SPMIP4: variants seen among roughly 807,000 people sequenced by gnomAD.
SPMIP4 encodes the protein sperm microtubule inner protein 4, also known as sperm-associated microtubule inner protein 4.
At chr7:25,160,578 G>A in the SPMIP4 span, among the ~76,000 whole-genome samples, 1 of 152,124 alleles carries the variant, frequency 6.6e-6, no homozygotes, top group East Asian at 1.9e-4. Context: ...GGAATTACAG[G>A]CATGAGCCAC....
the SPMIP4 span, among the ~76,000 whole-genome samples, chr7:25,129,802 C>T: frequency 2.0e-5 from 3 of 151,992 alleles, no homozygotes; most frequent in Non-Finnish European, 4.4e-5. Context: ...TTCTTGCCTG[C>T]TGCCTAGAAA....
At chr7:25,170,336 T>C in the SPMIP4 span, among the ~76,000 whole-genome samples, 3,320 of 152,338 alleles carry the variant, frequency 0.022, 138 homozygotes, top group African/African-American at 0.076. Flanking sequence ...ATTGGCAATA[T>C]CTTTATTGGA....
At chr7:25,156,077 T>C in the SPMIP4 span, among the ~76,000 whole-genome samples, 1 of 152,230 alleles carries the variant, frequency 6.6e-6, no homozygotes, top group Admixed American at 6.5e-5. Flanking sequence ...AGTTATTCCA[T>C]ACTGGAGCAG....
At chr7:25,154,509 G>A in the SPMIP4 span, among the ~76,000 whole-genome samples, 2 of 152,298 alleles carry the variant, frequency 1.3e-5, no homozygotes, top group South Asian at 2.1e-4. Flanking sequence ...TTGCAGCTGG[G>A]AGAACCTGCT....
At chr7:25,167,154 C>T in the SPMIP4 span, among the ~76,000 whole-genome samples, 6 of 152,318 alleles carry the variant, frequency 3.9e-5, no homozygotes, top group East Asian at 1.2e-3. Flanking sequence ...ACAGAGCTAT[C>T]TCCCCAGTCT....
At chr7:25,168,773 T>C in the SPMIP4 span, among the ~76,000 whole-genome samples, 1 of 150,476 alleles carries the variant, frequency 6.6e-6, no homozygotes, top group Non-Finnish European at 1.5e-5. Context: ...TTGCCCAGGC[T>C]GGAGTGCAGT....
At chr7:25,155,887 T>C in the SPMIP4 span, among the ~76,000 whole-genome samples, 3 of 151,950 alleles carry the variant, frequency 2.0e-5, no homozygotes, top group Non-Finnish European at 2.9e-5. Flanking sequence ...AGGAAGTCCA[T>C]GGGATAGAGA....
At chr7:25,180,133 G>A in the SPMIP4 span, 1 of 152,322 alleles carries the variant, frequency 6.6e-6, no homozygotes, top group Non-Finnish European at 1.5e-5. Flanking sequence ...GCAGGCCGGG[G>A]TGGGGTGGGG....
At chr7:25,166,239 T>TTTTTTTTC in the SPMIP4 span, among the ~76,000 whole-genome samples, 1 of 148,634 alleles carries the variant, frequency 6.7e-6, no homozygotes, top group Non-Finnish European at 1.5e-5. Flanking sequence ...TCTTCTTTTT[T>TTTTTTTTC]TTTTTGAGAC....
chr7:25,169,053 TA>T, the SPMIP4 span, among the ~76,000 whole-genome samples: 1 of 151,896 alleles, frequency 6.6e-6, no homozygotes, highest in Non-Finnish European at 1.5e-5. Context: ...AAAACAGGTT[TA>T]TTGAGATTTA....
the SPMIP4 span, among the ~76,000 whole-genome samples, chr7:25,156,587 G>C: frequency 1.3e-5 from 2 of 152,158 alleles, no homozygotes; most frequent in African/African-American, 2.4e-5. Flanking sequence ...TGTTAAGCTT[G>C]ATAGAGGACT....
At chr7:25,133,531 G>C in the SPMIP4 span, among the ~76,000 whole-genome samples, 1 of 152,218 alleles carries the variant, frequency 6.6e-6, no homozygotes, top group Non-Finnish European at 1.5e-5. Flanking sequence ...CTCTCAGATT[G>C]TGACCCTTGT....
chr7:25,136,835 A>G, the SPMIP4 span: 2 of 1,572,980 alleles, frequency 1.3e-6, no homozygotes, highest in Non-Finnish European at 8.6e-7. This position sits in a 1 kb window ranked among gnomAD's most constrained non-coding sequence, Gnocchi z 5.7. Context: ...TTGATCAGGG[A>G]TATTGCCACA....
At chr7:25,126,447 G>C in the SPMIP4 span, among the ~76,000 whole-genome samples, 1 of 152,136 alleles carries the variant, frequency 6.6e-6, no homozygotes, top group South Asian at 2.1e-4. Flanking sequence ...AAAGTGCTGG[G>C]ATTACAGGTG....
chr7:25,158,407 G>A, the SPMIP4 span: 4 of 749,894 alleles, frequency 5.3e-6, no homozygotes, highest in East Asian at 2.9e-5. Context: ...TTCATGGGAA[G>A]TCTCACTTGT....
the SPMIP4 span, among the ~76,000 whole-genome samples, chr7:25,171,194 T>C: frequency 2.0e-5 from 3 of 152,158 alleles, no homozygotes; most frequent in African/African-American, 4.8e-5. Flanking sequence ...GTTTCCTAAA[T>C]TGGTTGGTAG....
At chr7:25,135,256 G>A in the SPMIP4 span, 6 of 909,534 alleles carry the variant, frequency 6.6e-6, no homozygotes, top group Non-Finnish European at 7.9e-6. Flanking sequence ...TAAGGCCATT[G>A]CTAGATCTTC....
At chr7:25,177,131 T>C in the SPMIP4 span, among the ~76,000 whole-genome samples, 1 of 152,190 alleles carries the variant, frequency 6.6e-6, no homozygotes, top group African/African-American at 2.4e-5. Flanking sequence ...ATCAGGAGCA[T>C]TCAAAAATGG....
the SPMIP4 span, among the ~76,000 whole-genome samples, chr7:25,170,951 T>C: frequency 9.2e-5 from 14 of 152,214 alleles, no homozygotes; most frequent in African/African-American, 3.1e-4. Context: ...CCTAGACTAG[T>C]TGCATAAGCA....
Sources: allele counts gnomAD v4.1 joint callset (sites outside exome capture counted in the v4.1 genomes callset), GRCh38; gene constraint gnomAD v4.1.1; non-coding constraint Gnocchi (gnomAD v3.1); transcripts MANE v1.5; gene names NCBI Gene and HGNC (gene_info 2026-07-23, HGNC 2026-07-21).